The following AKAP6 variants were observed in gnomAD, a reference collection of about 807,000 sequenced individuals.
AKAP6 encodes A-kinase anchor protein 6.
A neutral mutation model predicts 188.5 loss-of-function variants in AKAP6; 58 were observed. The observed-to-expected ratio is 0.31, with a 90% CI of 0.25 to 0.38. AKAP6 has a LOEUF of 0.38. AKAP6 is among the 10% of genes least tolerant of loss of function. The probability of loss-of-function intolerance (pLI) is 1.00; values close to 1 mark genes in which losing one functional copy is unlikely to be tolerated. For missense variants in AKAP6, 2,710 were observed against 2,740.0 expected (o/e 0.99, Z 0.24); for synonymous variants, 989 against 998.6 (o/e 0.99, Z 0.18).
chr14:32,485,859 T>C (rs1243866942), intron 2 of AKAP6, among the ~76,000 whole-genome samples: 1 of 152,224 alleles, frequency 6.6e-6, no homozygotes, highest in Non-Finnish European at 1.5e-5. Context: ...TTGCAATAGC[T>C]TTTGGTGTTT....
chr14:32,335,490 A>AC (rs1886661509), intron 1 of AKAP6, among the ~76,000 whole-genome samples: 1 of 152,160 alleles, frequency 6.6e-6, no homozygotes, highest in African/African-American at 2.4e-5. Flanking sequence ...AAACTAAGGG[A>AC]CCATTGTCAA....
chr14:32,493,816 G>A (rs1020777976), intron 2 of AKAP6, among the ~76,000 whole-genome samples: 37 of 152,274 alleles, frequency 2.4e-4, no homozygotes, highest in Admixed American at 1.0e-3. Context: ...AACCAGCTCT[G>A]CAGAGATGAC....
chr14:32,607,690 T>C (rs1886179031), intron 7 of AKAP6, among the ~76,000 whole-genome samples: 1 of 152,204 alleles, frequency 6.6e-6, no homozygotes, highest in Admixed American at 6.5e-5. Context: ...ATTCAGATCA[T>C]CTTAATTAGG....
intron 11 of AKAP6, among the ~76,000 whole-genome samples, chr14:32,745,416 C>T (rs1160822440): frequency 6.6e-6 from 1 of 151,990 alleles, no homozygotes; most frequent in Non-Finnish European, 1.5e-5. Context: ...CAGGCAGAGA[C>T]TCTTGTTTTT....
rs968677702 is a variant in AKAP6, at chr14:32,799,500, A to G, written c.3589-21902A>G. On this transcript the variant is annotated intron_variant, in intron 12 of 13. Transcript: ENST00000280979. The stretch of plus-strand genomic sequence containing the variant: ...CTTTTGTTGCATCCCGTCAATCTTG[A>G]TAAGTTGTATTTTTGTTTTTATTTA... 7.9e-5 allele frequency among the ~76,000 whole-genome samples: 12 copies of G among 152,204 alleles called. No individual in the cohort carries two copies. The East Asian group carries it at 2.3e-3, about 29-fold the overall frequency.
chr14:32,549,107 C>T (rs150369481), intron 4 of AKAP6, among the ~76,000 whole-genome samples: 4 of 152,192 alleles, frequency 2.6e-5, no homozygotes, highest in Non-Finnish European at 2.9e-5. Context: ...ATCAAGTATT[C>T]GTGTATCTAG....
chr14:32,523,241 T>C (rs764229552), intron 2 of AKAP6, among the ~76,000 whole-genome samples: 1 of 152,056 alleles, frequency 6.6e-6, no homozygotes, highest in Non-Finnish European at 1.5e-5. Flanking sequence ...GATGAGTTAA[T>C]GGGTGCAGCA....
At chr14:32,373,099 G>A (rs184991829) in intron 1 of AKAP6, among the ~76,000 whole-genome samples, 1 of 151,548 alleles carries the variant, frequency 6.6e-6, no homozygotes, top group East Asian at 1.9e-4. Context: ...GGCTTTTTTG[G>A]GGGGGTGGGG....
chr14:32,486,932 G>A (rs974480583), intron 2 of AKAP6, among the ~76,000 whole-genome samples: 21 of 152,126 alleles, frequency 1.4e-4, no homozygotes, highest in Admixed American at 2.6e-4. Context: ...TTGCCCATTC[G>A]GTATGATATT....
chr14:32,339,977 GTTT>G (rs1038522244), intron 1 of AKAP6, among the ~76,000 whole-genome samples: 1 of 143,312 alleles, frequency 7.0e-6, no homozygotes, highest in Non-Finnish European at 1.5e-5. Flanking sequence ...AGGTGTTAGG[GTTT>G]TTTTTTTTTC....
intron 9 of AKAP6, among the ~76,000 whole-genome samples, chr14:32,722,930 T>C (rs1367070018): frequency 6.6e-6 from 1 of 152,186 alleles, no homozygotes; most frequent in East Asian, 1.9e-4. Context: ...TGGCAAATGC[T>C]AAAAGAACAT....
At chr14:32,447,774 C>A (rs34976846) in intron 2 of AKAP6, among the ~76,000 whole-genome samples, 1 of 151,988 alleles carries the variant, frequency 6.6e-6, no homozygotes, top group Non-Finnish European at 1.5e-5. Flanking sequence ...TAGTTGGCAA[C>A]TTAATCATTC....
chr14:32,815,507 G>A (rs540931959), intron 12 of AKAP6, among the ~76,000 whole-genome samples: 2 of 152,274 alleles, frequency 1.3e-5, no homozygotes, highest in South Asian at 4.1e-4. Context: ...CTGGGCAAGT[G>A]TCTTTTCTCA....
intron 1 of AKAP6, among the ~76,000 whole-genome samples, chr14:32,381,825 C>T (rs940787279): frequency 2.0e-5 from 3 of 152,108 alleles, no homozygotes; most frequent in African/African-American, 7.2e-5. Flanking sequence ...ACTTGTGTAC[C>T]CAAGGCTCCT....
chr14:32,571,408 T>C (rs2139244334), intron 4 of AKAP6, among the ~76,000 whole-genome samples: 1 of 152,198 alleles, frequency 6.6e-6, no homozygotes, highest in East Asian at 1.9e-4. Flanking sequence ...TGTGCACCTG[T>C]AGTCCCAGCT....
intron 7 of AKAP6, among the ~76,000 whole-genome samples, chr14:32,620,459 A>C (rs925490163): frequency 2.0e-5 from 3 of 151,948 alleles, no homozygotes; most frequent in African/African-American, 7.2e-5. Flanking sequence ...TTATATGATG[A>C]ATCACATTTA....
At chr14:32,529,459 C>A (rs185812558) in intron 2 of AKAP6, among the ~76,000 whole-genome samples, 1 of 152,088 alleles carries the variant, frequency 6.6e-6, no homozygotes, top group Non-Finnish European at 1.5e-5. Flanking sequence ...TATGCCTTTT[C>A]TTTCCTCTTT....
chr14:32,516,529 C>A (rs1418114161), intron 2 of AKAP6, among the ~76,000 whole-genome samples: 1 of 152,152 alleles, frequency 6.6e-6, no homozygotes, highest in Admixed American at 6.5e-5. Flanking sequence ...TAGTCTTTCG[C>A]TTCAGTACCA....
chr14:32,757,382 G>T lies in AKAP6; in HGVS notation c.3373-16296G>T, dbSNP rs139734017. 9.9e-3 allele frequency among the ~76,000 whole-genome samples: 1,501 copies of T among 152,264 alleles called. 17 individuals are homozygous for T. The highest frequency in any genetic ancestry group is 0.017 in the Middle Eastern group (5 of 294). On this transcript the variant is annotated intron_variant, in intron 11 of 13. Coordinates refer to ENST00000280979, the MANE Select transcript of AKAP6 (RefSeq NM_004274.5). ...GGATTTCTGAACTGGTTTGTTGGTAGGGGTGGGGAAGAGGGAGGAGGTCTT... is the reference window on the plus strand; with the variant it reads ...GGATTTCTGAACTGGTTTGTTGGTATGGGTGGGGAAGAGGGAGGAGGTCTT...
Sources: allele counts gnomAD v4.1 joint callset (sites outside exome capture counted in the v4.1 genomes callset), GRCh38; gene constraint gnomAD v4.1.1; transcripts MANE v1.5; gene names NCBI Gene and HGNC (gene_info 2026-07-23, HGNC 2026-07-21).